Variants in NFILZ observed in about 807,000 individuals in gnomAD.
NFILZ encodes the protein NFIL3 like basic leucine zipper, also known as NFIL3 like protein.
chr19:8,656,421 T>TTCTCTCTGAAACCCACCC (rs2042999925), intron 3 of NFILZ, among the ~76,000 whole-genome samples: 1 of 93,308 alleles, frequency 1.1e-5, no homozygotes, highest in African/African-American at 3.8e-5. Flanking sequence ...GAAACCCACC[T>TTCTCTCTGAAACCCACCC]CTTTCCGCAG....
intron 3 of NFILZ, among the ~76,000 whole-genome samples, chr19:8,637,952 A>G (rs2042902645): frequency 6.6e-6 from 1 of 150,460 alleles, no homozygotes. Flanking sequence ...ACAGAAAAAG[A>G]AAAACAAAAA....
chr19:8,646,933 C>T (rs2042941390), intron 3 of NFILZ, among the ~76,000 whole-genome samples: 1 of 152,170 alleles, frequency 6.6e-6, no homozygotes, highest in Non-Finnish European at 1.5e-5. Flanking sequence ...AGGCAGCTGG[C>T]CCCAGTTCAA....
At chr19:8,653,011 C>CCTTCTTT (rs2042974052) in intron 3 of NFILZ, among the ~76,000 whole-genome samples, 6 of 52,894 alleles carry the variant, frequency 1.1e-4, no homozygotes, top group African/African-American at 3.2e-4. Flanking sequence ...TTCCTTCCTT[C>CCTTCTTT]CTTTCTTTCT....
intron 3 of NFILZ, among the ~76,000 whole-genome samples, chr19:8,672,144 G>A (rs1415991833): frequency 1.3e-5 from 2 of 151,406 alleles, no homozygotes; most frequent in East Asian, 3.9e-4. Flanking sequence ...GCATTTGTTA[G>A]TTCATTCAAA....
intron 3 of NFILZ, among the ~76,000 whole-genome samples, chr19:8,647,221 G>C (rs1555747147): frequency 6.6e-6 from 1 of 152,082 alleles, no homozygotes; most frequent in Non-Finnish European, 1.5e-5. Flanking sequence ...ATCAATGATA[G>C]ACTGGATAAA....
At chr19:8,663,600 T>C (rs181791902) in intron 3 of NFILZ, among the ~76,000 whole-genome samples, 354 of 151,734 alleles carry the variant, frequency 2.3e-3, no homozygotes, top group Non-Finnish European at 3.8e-3. Context: ...GTTGAGTATT[T>C]GATGCTCGCG....
In NFILZ at chr19:8,680,197, A is replaced by G. The variant is rs2043139312; in HGVS notation, c.*2562A>G. On this transcript the variant is annotated 3_prime_UTR_variant, in exon 6 of 6. Coordinates refer to ENST00000691075, the MANE Select transcript of NFILZ (RefSeq NM_001378600.1). ...GGCGACAGAGCGAGACTCCATCTGA[A>G]AAAAAAAAAAAAAAAAAGGAAAAAG... Among the ~76,000 whole-genome samples the G allele has an allele frequency of 4.3e-5, 1 of 23,436 alleles. No homozygotes were observed. Among genetic ancestry groups the G allele is most frequent in the South Asian group, 2.6e-3 (1 of 380 alleles). The allele number at this position is 23,436 out of a possible 152,430, so 15.4% of individuals were successfully genotyped here.
At chr19:8,641,183 G>A (rs2042917459) in intron 3 of NFILZ, among the ~76,000 whole-genome samples, 2 of 152,008 alleles carry the variant, frequency 1.3e-5, no homozygotes. Flanking sequence ...CCGCGTAGCT[G>A]GGACTACTGG....
chr19:8,653,612 T>C (rs2967717), intron 3 of NFILZ, among the ~76,000 whole-genome samples: 14,186 of 152,200 alleles, frequency 0.093, 1,055 homozygotes, highest in East Asian at 0.43. Context: ...GAAAACGTGG[T>C]ATATATACAT....
Position 8,652,305 on chromosome 19 carries a change from G to A in NFILZ, c.-164+16559G>A, listed in dbSNP as rs557338798. On this transcript the variant is annotated intron_variant, in intron 3 of 5. Transcript: ENST00000691075. ...CTTTTAGTAGAGACGGGGTTTCACC[G>A]TGTTAGCCAGGATGGTCTCGATCTC... Among the ~76,000 whole-genome samples, 69 of 152,154 alleles carry A rather than the reference G, an allele frequency of 4.5e-4. 1 individual carries two copies. The highest frequency in any genetic ancestry group is 8.7e-4 in the Non-Finnish European group (59 of 68,002).
intron 3 of NFILZ, among the ~76,000 whole-genome samples, chr19:8,642,006 T>A (rs2042921250): frequency 6.6e-6 from 1 of 152,124 alleles, no homozygotes; most frequent in Admixed American, 6.6e-5. Flanking sequence ...TACTTTTTTT[T>A]ACATTTTATG....
At chr19:8,657,944 G>T (rs1395341096) in intron 3 of NFILZ, among the ~76,000 whole-genome samples, 1 of 152,168 alleles carries the variant, frequency 6.6e-6, no homozygotes, top group Non-Finnish European at 1.5e-5. Flanking sequence ...GAGGCTGAGG[G>T]GCTTGGTGGG....
At chr19:8,637,373 T>C (rs1458626481) in intron 3 of NFILZ, among the ~76,000 whole-genome samples, 1 of 151,548 alleles carries the variant, frequency 6.6e-6, no homozygotes, top group African/African-American at 2.4e-5. Flanking sequence ...AAACACAAAG[T>C]TACCATAGAA....
chr19:8,675,008 C>G (rs549659234), intron 4 of NFILZ, among the ~76,000 whole-genome samples: 1 of 152,242 alleles, frequency 6.6e-6, no homozygotes, highest in East Asian at 1.9e-4. Context: ...TAAATGCTCT[C>G]CAGCTGTGAA....
rs148570467 is a variant in NFILZ at position 8,655,960 on chromosome 19, T to C, written c.-163-18591T>C. Reference sequence around the variant, plus strand: ...GAGTCTCTGTCTCTCTCTGTGTCTCTGCCTGTCCCTGTCTCTGCTGCCCCA... The same window carrying C: ...GAGTCTCTGTCTCTCTCTGTGTCTCCGCCTGTCCCTGTCTCTGCTGCCCCA... On this transcript the variant is annotated intron_variant, in intron 3 of 5. Transcript: ENST00000691075. 2.0e-5 allele frequency among the ~76,000 whole-genome samples: 3 copies of C among 152,144 alleles called. No homozygotes were observed. The East Asian group carries it at 5.8e-4, about 29-fold the overall frequency.
chr19:8,642,479 T>G (rs1171026489), intron 3 of NFILZ, among the ~76,000 whole-genome samples: 8 of 152,166 alleles, frequency 5.3e-5, no homozygotes, highest in Non-Finnish European at 7.3e-5. Context: ...GTTGGCAACT[T>G]GGTTGAGTTT....
At chr19:8,638,625 G>T (rs2042905726) in intron 3 of NFILZ, 1 of 152,244 alleles carries the variant, frequency 6.6e-6, no homozygotes. Context: ...CAGGAAGGCA[G>T]AAATAAAGAT....
chr19:8,641,164 C>T (rs1342627302), intron 3 of NFILZ, among the ~76,000 whole-genome samples: 18 of 152,164 alleles, frequency 1.2e-4, no homozygotes, highest in Admixed American at 1.2e-3. Flanking sequence ...ATCCTCACAC[C>T]TCAGCCTCCC....
intron 1 of NFILZ, among the ~76,000 whole-genome samples, chr19:8,631,895 G>T (rs1459133735): frequency 2.7e-5 from 4 of 149,664 alleles, no homozygotes; most frequent in African/African-American, 9.8e-5. Context: ...TTGAGATGGG[G>T]TTTCGCTCTT....
Sources: allele counts gnomAD v4.1 joint callset (sites outside exome capture counted in the v4.1 genomes callset), GRCh38; gene constraint gnomAD v4.1.1; transcripts MANE v1.5; gene names NCBI Gene and HGNC (gene_info 2026-07-23, HGNC 2026-07-21).